Variants in PCDH15 observed in about 807,000 individuals in gnomAD.
PCDH15 encodes the protein protocadherin related 15.
PCDH15 carries 129 observed loss-of-function variants against 178.5 expected under a neutral mutation model. That is an observed-to-expected ratio of 0.72 (90% CI 0.63 to 0.84). The LOEUF (loss-of-function observed/expected upper bound fraction) is 0.84. Among genes scored for constraint, PCDH15 ranks in the 40% least tolerant of loss-of-function variants. The pLI is 0.00. For synonymous variants in PCDH15, 800 were observed against 732.0 expected (o/e 1.09, Z -1.50); for missense variants, 2,230 against 2,099.9 (o/e 1.06, Z -1.21).
chr10:53,871,713 C>T (rs1339065105), intron 26 of PCDH15, among the ~76,000 whole-genome samples: 2 of 150,570 alleles, frequency 1.3e-5, no homozygotes, highest in African/African-American at 5.0e-5. Context: ...TCCTTTATTG[C>T]TTCCAGTTCT....
intron 21 of PCDH15, among the ~76,000 whole-genome samples, chr10:53,964,816 A>G (rs573518592): frequency 5.3e-4 from 81 of 152,274 alleles, no homozygotes; most frequent in African/African-American, 1.9e-3. Context: ...TATTATAATC[A>G]TATACAATGG....
chr10:54,955,078 A>G (rs1419409268), intron 2 of PCDH15, among the ~76,000 whole-genome samples: 1 of 151,198 alleles, frequency 6.6e-6, no homozygotes, highest in African/African-American at 2.4e-5. Context: ...TTATTGTCCA[A>G]TAGTGAATTG....
intron 15 of PCDH15, among the ~76,000 whole-genome samples, chr10:54,108,987 T>C (rs2094965359): frequency 1.3e-5 from 2 of 152,050 alleles, no homozygotes; most frequent in African/African-American, 2.4e-5. Context: ...ACAAAAAACC[T>C]TGGTCCCTGA....
intron 1 of PCDH15, among the ~76,000 whole-genome samples, chr10:55,241,687 T>G (rs1186117508): frequency 6.6e-6 from 1 of 152,146 alleles, no homozygotes; most frequent in Non-Finnish European, 1.5e-5. Flanking sequence ...CCTCCCAAAG[T>G]TCTGGGATTG....
chr10:55,000,882 C>A (rs1328826350), intron 2 of PCDH15, among the ~76,000 whole-genome samples: 4 of 152,022 alleles, frequency 2.6e-5, no homozygotes, highest in African/African-American at 2.4e-5. Flanking sequence ...AGAGTGAGAA[C>A]TTCATTGATG....
intron 26 of PCDH15, among the ~76,000 whole-genome samples, chr10:53,874,419 C>T (rs2080082771): frequency 6.6e-6 from 1 of 152,064 alleles, no homozygotes; most frequent in African/African-American, 2.4e-5. Flanking sequence ...GAAATACAGC[C>T]CCTCATTTTA....
chr10:54,204,207 C>T (rs979939176), intron 10 of PCDH15, among the ~76,000 whole-genome samples: 1 of 151,972 alleles, frequency 6.6e-6, no homozygotes, highest in South Asian at 2.1e-4. Flanking sequence ...CAATTCATTG[C>T]CATTGAATTT....
At chr10:55,447,829 G>C (rs989056752) in intron 2 of PCDH15, among the ~76,000 whole-genome samples, 4 of 151,902 alleles carry the variant, frequency 2.6e-5, no homozygotes, top group African/African-American at 9.7e-5. Context: ...GTGTTGGGAG[G>C]GTTTTTATAG....
intron 3 of PCDH15, among the ~76,000 whole-genome samples, chr10:54,427,549 A>G (rs1411965819): frequency 6.6e-6 from 1 of 152,040 alleles, no homozygotes; most frequent in Non-Finnish European, 1.5e-5. Flanking sequence ...AAGTGCTGGG[A>G]TTACAGGCGT....
intron 2 of PCDH15, among the ~76,000 whole-genome samples, chr10:54,660,134 G>A (rs910403319): frequency 2.0e-5 from 3 of 151,950 alleles, no homozygotes; most frequent in Non-Finnish European, 4.4e-5. Flanking sequence ...GATTAACAAA[G>A]CAAAAGTTGT....
chr10:54,435,505 C>T (rs1589395627), intron 3 of PCDH15, among the ~76,000 whole-genome samples: 1 of 151,978 alleles, frequency 6.6e-6, no homozygotes, highest in South Asian at 2.1e-4. Context: ...ATGCAGCTGC[C>T]GAACAAATAT....
intron 17 of PCDH15, among the ~76,000 whole-genome samples, chr10:54,071,322 T>C (rs2094237948): frequency 1.3e-5 from 2 of 152,200 alleles, no homozygotes; most frequent in Admixed American, 6.5e-5. Context: ...AATAATTTAA[T>C]GAATAATTTT....
At chr10:54,140,383 G>T (rs1188426604) in intron 14 of PCDH15, among the ~76,000 whole-genome samples, 1 of 151,860 alleles carries the variant, frequency 6.6e-6, no homozygotes, top group East Asian at 1.9e-4. Context: ...TATCCATCAG[G>T]TTAATTTTTT....
At chr10:55,488,003 G>A (rs1195290649) in intron 2 of PCDH15, among the ~76,000 whole-genome samples, 1 of 151,462 alleles carries the variant, frequency 6.6e-6, no homozygotes, top group Non-Finnish European at 1.5e-5. Context: ...ATATAGTTAG[G>A]TTCAGTCCTG....
intron 1 of PCDH15, among the ~76,000 whole-genome samples, chr10:54,692,295 T>C (rs766009036): frequency 6.6e-6 from 1 of 152,174 alleles, no homozygotes; most frequent in Non-Finnish European, 1.5e-5. Context: ...ATGGTATGTA[T>C]ACATAAGCAA....
intron 1 of PCDH15, among the ~76,000 whole-genome samples, chr10:55,226,466 C>G (rs1489721798): frequency 2.6e-5 from 4 of 151,378 alleles, no homozygotes; most frequent in African/African-American, 9.7e-5. Flanking sequence ...CCTGCAACCT[C>G]TGTCTCCTGG....
chr10:54,118,836 T>C (rs913692948), intron 15 of PCDH15, among the ~76,000 whole-genome samples: 9 of 151,094 alleles, frequency 6.0e-5, no homozygotes, highest in Non-Finnish European at 7.4e-5. Context: ...CACTTGAAAA[T>C]AGCAAAATAA....
At chr10:53,945,162 G>A (rs1016351756) in intron 23 of PCDH15, among the ~76,000 whole-genome samples, 22 of 151,952 alleles carry the variant, frequency 1.4e-4, no homozygotes, top group African/African-American at 4.8e-4. Flanking sequence ...TAATATTTTT[G>A]TTTTTAATAA....
At chr10:54,219,754 G>C (rs1488687681) in intron 9 of PCDH15, among the ~76,000 whole-genome samples, 1 of 151,620 alleles carries the variant, frequency 6.6e-6, no homozygotes, top group Non-Finnish European at 1.5e-5. Context: ...TTGTGAGAAA[G>C]TGAAAATAAA....
Sources: gnomAD v4.1 joint callset for allele counts (sites outside exome capture counted in the v4.1 genomes callset) on GRCh38, gnomAD v4.1.1 for gene constraint, MANE v1.5 for transcripts, NCBI Gene and HGNC (gene_info 2026-07-23, HGNC 2026-07-21) for gene names.